ARMC3: variants seen among roughly 807,000 people sequenced by gnomAD.
ARMC3 encodes the protein armadillo repeat-containing protein 3.
ARMC3 carries 74 observed loss-of-function variants against 90.3 expected under a neutral mutation model. That is an observed-to-expected ratio of 0.82 (90% CI 0.68 to 0.99). ARMC3 has a LOEUF of 0.99. Among genes scored for constraint, ARMC3 ranks in the 50% least tolerant of loss-of-function variants. The pLI is 0.00. For synonymous variants in ARMC3, 334 were observed against 361.8 expected (o/e 0.92, Z 0.87); for missense variants, 958 against 1,042.8 (o/e 0.92, Z 1.12).
In ARMC3 at chr10:22,990,841, C is replaced by A. The variant is rs560279595; in HGVS notation, c.1176-7307C>A. On this transcript the variant is annotated intron_variant, in intron 10 of 18. Coordinates refer to ENST00000298032, the MANE Select transcript of ARMC3 (RefSeq NM_173081.5). ...AAATTCATGATCTCTTTGAATTCCT[C>A]CAGCACTCCTTGTACTCACTCCAGT... 3.0e-4 allele frequency among the ~76,000 whole-genome samples: 45 copies of A among 152,272 alleles called. No homozygotes were observed. In the South Asian group the frequency reaches 5.2e-3, roughly 18 times the overall value.
Position 23,032,841 on chromosome 10 carries a change from T to C in ARMC3, c.2247-20T>C. 2.5e-6 allele frequency: 4 copies of C among 1,602,030 alleles called. No individual in the cohort carries two copies. Among genetic ancestry groups the C allele is most frequent in the Middle Eastern group, 3.9e-4 (2 of 5,088 alleles). ...GAGTTATTAAAATTGACCGATTTGA[T>C]CTCAATGTAATTGACACAGGTATGT... On this transcript the variant is annotated intron_variant, in intron 17 of 18. Transcript: ENST00000298032.
intron 14 of ARMC3, 149 bp downstream of exon 14, chr10:23,007,130 C>T (rs1837657908): frequency 1.6e-6 from 1 of 620,908 alleles, no homozygotes; most frequent in Admixed American, 3.2e-5. Context: ...CTCATAAACT[C>T]ATAGCCCGAC....
intron 16 of ARMC3, among the ~76,000 whole-genome samples, chr10:23,022,515 G>T (rs907977588): frequency 6.6e-6 from 1 of 152,122 alleles, no homozygotes; most frequent in African/African-American, 2.4e-5. Flanking sequence ...CACAGCAGCA[G>T]GGCATCTTAT....
chr10:23,023,328 A>G (rs867317849), intron 16 of ARMC3, among the ~76,000 whole-genome samples: 1 of 152,198 alleles, frequency 6.6e-6, no homozygotes, highest in Non-Finnish European at 1.5e-5. Flanking sequence ...ATCACTGCCT[A>G]CAAAAGTAGT....
intron 18 of ARMC3, among the ~76,000 whole-genome samples, chr10:23,033,357 G>A (rs920531515): frequency 1.3e-5 from 2 of 152,126 alleles, no homozygotes; most frequent in African/African-American, 4.8e-5. Context: ...TACACTCAAG[G>A]GGTACCTAAA....
At chr10:23,002,200 G>T in intron 12 of ARMC3, 145 bp downstream of exon 12, 2 of 1,241,988 alleles carry the variant, frequency 1.6e-6, no homozygotes, top group Non-Finnish European at 2.1e-6. Context: ...GGCGGGCCTT[G>T]GCTTGGAAGG....
chr10:23,037,406 T>G lies in ARMC3; in HGVS notation c.2546T>G (p.Ile849Ser). Residue 849 changes from isoleucine (I) to serine (S), a missense_variant, in exon 19 of 19, where the codon ATT (isoleucine) becomes AGT (serine). By Grantham distance (142) the Ile-to-Ser change is moderately radical. Transcript: ENST00000298032. ...GGLPAPEMYV[I>S]DLMFHPGGLM... Reference sequence around the variant, plus strand: ...CTCCCCGCTCCTGAGATGTACGTGATTGACCTCATGTTCCATCCAGGTGGA... The same window carrying G: ...CTCCCCGCTCCTGAGATGTACGTGAGTGACCTCATGTTCCATCCAGGTGGA... The G allele has an allele frequency of 1.9e-6, 3 of 1,614,096 alleles. No individual in the cohort carries two copies. The South Asian group carries it at 3.3e-5, about 18-fold the overall frequency.
At chr10:22,949,246 G>T (rs1478809357) in intron 3 of ARMC3, among the ~76,000 whole-genome samples, 1 of 151,872 alleles carries the variant, frequency 6.6e-6, no homozygotes, top group Non-Finnish European at 1.5e-5. Context: ...ACAATATCTT[G>T]CATCCAATAA....
At chr10:23,011,530 A>G (rs1838012743) in intron 16 of ARMC3, among the ~76,000 whole-genome samples, 2 of 152,210 alleles carry the variant, frequency 1.3e-5, no homozygotes, top group Non-Finnish European at 2.9e-5. Context: ...CACTCCAACC[A>G]TACAAGGATA....
chr10:23,013,505 C>T (rs1838119439), intron 16 of ARMC3, among the ~76,000 whole-genome samples: 1 of 152,112 alleles, frequency 6.6e-6, no homozygotes, highest in Non-Finnish European at 1.5e-5. Context: ...TTATTATGTA[C>T]ATTTAAACAT....
At chr10:22,936,083 AT>A (rs947770571) in intron 2 of ARMC3, among the ~76,000 whole-genome samples, 2 of 151,872 alleles carry the variant, frequency 1.3e-5, no homozygotes, top group African/African-American at 4.8e-5. Context: ...ATAATTTTGT[AT>A]TTTTTTTAGA....
chr10:22,977,210 G>A (rs563777591), intron 8 of ARMC3, among the ~76,000 whole-genome samples: 4 of 152,228 alleles, frequency 2.6e-5, no homozygotes, highest in Non-Finnish European at 5.9e-5. Flanking sequence ...AATTTTCAAG[G>A]TGTCAATAAA....
At chr10:22,984,818 CTT>C (rs778870227) in intron 10 of ARMC3, among the ~76,000 whole-genome samples, 17 of 151,606 alleles carry the variant, frequency 1.1e-4, no homozygotes, top group Admixed American at 9.2e-4. Flanking sequence ...TCCAAAAAAA[CTT>C]TTAAAAATTT....
At chr10:22,941,549 G>A (rs1009048752) in intron 2 of ARMC3, among the ~76,000 whole-genome samples, 8 of 152,146 alleles carry the variant, frequency 5.3e-5, no homozygotes, top group Non-Finnish European at 7.4e-5. Context: ...TTAGCGTCTG[G>A]CACTTAATAG....
At chr10:23,024,834 G>C (rs1838653620) in intron 16 of ARMC3, among the ~76,000 whole-genome samples, 1 of 152,198 alleles carries the variant, frequency 6.6e-6, no homozygotes, top group Non-Finnish European at 1.5e-5. Context: ...TGATCCGACT[G>C]TATGCTGTTT....
At chr10:22,955,553 G>A (rs562682896) in intron 3 of ARMC3, among the ~76,000 whole-genome samples, 7 of 152,292 alleles carry the variant, frequency 4.6e-5, no homozygotes, top group East Asian at 1.9e-4. Flanking sequence ...GGGTGATTGC[G>A]GGGGACTGCT....
At chr10:22,963,325 C>T (rs762307004) in intron 7 of ARMC3, among the ~76,000 whole-genome samples, 11 of 151,970 alleles carry the variant, frequency 7.2e-5, no homozygotes, top group Non-Finnish European at 1.3e-4. Flanking sequence ...AAATGCCTCT[C>T]AAAGAGGTTG....
At chr10:22,990,610 A>G (rs1836664411) in intron 10 of ARMC3, among the ~76,000 whole-genome samples, 1 of 152,142 alleles carries the variant, frequency 6.6e-6, no homozygotes, top group South Asian at 2.1e-4. Flanking sequence ...TATTATTGTC[A>G]TGCCCATTTT....
intron 14 of ARMC3, among the ~76,000 whole-genome samples, chr10:23,007,628 C>T (rs1176920499): frequency 1.1e-4 from 15 of 142,856 alleles, no homozygotes; most frequent in Admixed American, 9.7e-4. Flanking sequence ...ACCCGGGAGG[C>T]GGATGTTGCA....
Sources: allele counts gnomAD v4.1 joint callset (sites outside exome capture counted in the v4.1 genomes callset), GRCh38; gene constraint gnomAD v4.1.1; transcripts MANE v1.5; gene names NCBI Gene and HGNC (gene_info 2026-07-23, HGNC 2026-07-21).